The following WWOX variants were observed in gnomAD, a reference collection of about 807,000 sequenced individuals.
The protein encoded by WWOX is WW domain-containing oxidoreductase.
Under a neutral mutation model 46.2 loss-of-function variants are expected in WWOX, and 69 were observed. The observed-to-expected ratio is 1.49, with a 90% CI of 1.23 to 1.82. WWOX has a LOEUF of 1.82. Ranked by LOEUF, WWOX falls within the 40% of genes most tolerant of loss-of-function variation. The pLI is 0.00. For missense variants in WWOX, 919 were observed against 542.6 expected (o/e 1.69, Z -6.89); for synonymous variants, 359 against 202.6 (o/e 1.77, Z -6.56).
intron 8 of WWOX, among the ~76,000 whole-genome samples, chr16:78,608,661 C>T (rs1451007169): frequency 4.6e-5 from 7 of 152,150 alleles, no homozygotes; most frequent in African/African-American, 1.4e-4. Flanking sequence ...TGTCAGTTGG[C>T]GTCCACCCTT....
chr16:78,187,411 G>A (rs1270509595), intron 5 of WWOX, among the ~76,000 whole-genome samples: 3 of 152,210 alleles, frequency 2.0e-5, no homozygotes, highest in Admixed American at 1.3e-4. Flanking sequence ...GGGAGTTCTA[G>A]ACCAACATGG....
chr16:79,013,569 C>G (rs1019683683), intron 8 of WWOX, among the ~76,000 whole-genome samples: 1 of 152,134 alleles, frequency 6.6e-6, no homozygotes, highest in African/African-American at 2.4e-5. Context: ...AGAGACACTG[C>G]TCAGTGTACT....
At chr16:78,777,554 C>T (rs1049264871) in intron 8 of WWOX, among the ~76,000 whole-genome samples, 17 of 152,254 alleles carry the variant, frequency 1.1e-4, no homozygotes, top group Middle Eastern at 3.4e-3. Context: ...CAGCTGTTTA[C>T]ACTGACAGTC....
chr16:79,012,671 C>T (rs1373787010), intron 8 of WWOX, among the ~76,000 whole-genome samples: 1 of 152,142 alleles, frequency 6.6e-6, no homozygotes, highest in Non-Finnish European at 1.5e-5. Context: ...AACAAATATC[C>T]AGGCAGAATG....
At chr16:78,787,429 T>C (rs1357504451) in intron 8 of WWOX, among the ~76,000 whole-genome samples, 2 of 152,198 alleles carry the variant, frequency 1.3e-5, no homozygotes, top group Non-Finnish European at 2.9e-5. Context: ...ATATGTGGCC[T>C]TTTGTGTCTG....
intron 8 of WWOX, among the ~76,000 whole-genome samples, chr16:78,991,481 G>C (rs746418614): frequency 4.6e-5 from 7 of 151,172 alleles, no homozygotes; most frequent in Non-Finnish European, 1.0e-4. Context: ...CACACCTGTA[G>C]TCCCAGCTAC....
chr16:78,245,988 C>A (rs2037803789), intron 5 of WWOX, among the ~76,000 whole-genome samples: 2 of 152,194 alleles, frequency 1.3e-5, no homozygotes, highest in Admixed American at 6.5e-5. Context: ...GACTAGGATG[C>A]CATTTTGCAA....
chr16:78,804,143 C>T (rs551415851), intron 8 of WWOX, among the ~76,000 whole-genome samples: 171 of 152,104 alleles, frequency 1.1e-3, no homozygotes, highest in Non-Finnish European at 1.9e-3. Context: ...TGTGTCCTGT[C>T]GCTGTCACAA....
chr16:78,185,697 C>T (rs56325934), intron 5 of WWOX, among the ~76,000 whole-genome samples: 7,046 of 152,186 alleles, frequency 0.046, 237 homozygotes, highest in Non-Finnish European at 0.065. Context: ...CATGGAGTCT[C>T]GCTCTGTTAC....
intron 8 of WWOX, among the ~76,000 whole-genome samples, chr16:79,054,277 C>T (rs531414874): frequency 2.4e-4 from 36 of 152,252 alleles, no homozygotes; most frequent in African/African-American, 7.5e-4. Context: ...CTACTTAAAT[C>T]GCTATTGTTT....
In WWOX at chr16:79,118,720, C is replaced by G. The variant is rs73576968; in HGVS notation, c.1057-92888C>G. Among the ~76,000 whole-genome samples the G allele has an allele frequency of 2.6e-3, 397 of 152,298 alleles. 1 individual carries two copies. The highest frequency in any genetic ancestry group is 9.0e-3 in the African/African-American group (374 of 41,562). On this transcript the variant is annotated intron_variant, in intron 8 of 8. Transcript: ENST00000566780. ...ACCACAATTAACCCATGCCTGCCTT[C>G]CAGTCTTTTTACCACGTGTTGTGTT... is the stretch of plus-strand genomic sequence containing the variant.
At chr16:78,689,544 C>G (rs1035084359) in intron 8 of WWOX, among the ~76,000 whole-genome samples, 8 of 152,200 alleles carry the variant, frequency 5.3e-5, no homozygotes, top group African/African-American at 1.9e-4. Flanking sequence ...AAGAGTCATT[C>G]TAAGTCAGTC....
chr16:78,916,931 C>T (rs1337251717), intron 8 of WWOX, among the ~76,000 whole-genome samples: 1 of 150,344 alleles, frequency 6.7e-6, no homozygotes, highest in African/African-American at 2.5e-5. Context: ...AAAGCTTGAC[C>T]CAGGGGCTAA....
intron 8 of WWOX, among the ~76,000 whole-genome samples, chr16:79,088,074 G>C (rs1022812456): frequency 2.6e-5 from 4 of 152,128 alleles, no homozygotes; most frequent in Admixed American, 1.3e-4. Flanking sequence ...TGAGCCCTCT[G>C]TATAGTGTGA....
At chr16:78,298,294 C>T (rs1016938271) in intron 5 of WWOX, among the ~76,000 whole-genome samples, 8 of 152,218 alleles carry the variant, frequency 5.3e-5, no homozygotes, top group Admixed American at 1.3e-4. Context: ...GGCAGGATCT[C>T]GAGCTAGGAG....
chr16:78,185,747 G>T (rs6564511), intron 5 of WWOX, among the ~76,000 whole-genome samples: 151 of 152,146 alleles, frequency 9.9e-4, no homozygotes, highest in African/African-American at 3.5e-3. Flanking sequence ...GCTCACTGCA[G>T]TCTCCATCTC....
At chr16:79,208,267 C>G (rs1597481255) in intron 8 of WWOX, among the ~76,000 whole-genome samples, 1 of 152,120 alleles carries the variant, frequency 6.6e-6, no homozygotes, top group Non-Finnish European at 1.5e-5. Context: ...AATTCTCAGT[C>G]CTGTGTCGTC....
chr16:78,539,900 C>A (rs527910270), intron 8 of WWOX, among the ~76,000 whole-genome samples: 1 of 152,078 alleles, frequency 6.6e-6, no homozygotes, highest in Non-Finnish European at 1.5e-5. Context: ...GGATCAGATC[C>A]AGTACATATT....
chr16:78,802,946 C>CAAAAA (rs879363392), intron 8 of WWOX, among the ~76,000 whole-genome samples: 1 of 43,512 alleles, frequency 2.3e-5, no homozygotes. Flanking sequence ...AAAAAAACAA[C>CAAAAA]AAACAGAAAA....
Sources: gnomAD v4.1 joint callset for allele counts (sites outside exome capture counted in the v4.1 genomes callset) on GRCh38, gnomAD v4.1.1 for gene constraint, MANE v1.5 for transcripts, NCBI Gene and HGNC (gene_info 2026-07-23, HGNC 2026-07-21) for gene names.